PLEKHH1: variants seen among roughly 807,000 people sequenced by gnomAD.
The protein encoded by PLEKHH1 is pleckstrin homology, MyTH4 and FERM domain containing H1.
PLEKHH1 carries 104 observed loss-of-function variants against 160.0 expected under a neutral mutation model. The ratio of observed to expected loss-of-function variants is 0.65; its 90% CI spans 0.55 to 0.76. The LOEUF (loss-of-function observed/expected upper bound fraction) is 0.76, where lower values mean the gene tolerates loss of function less well. Among genes scored for constraint, PLEKHH1 ranks in the 30% least tolerant of loss-of-function variants. The pLI is 0.00. For synonymous variants in PLEKHH1, 619 were observed against 678.4 expected, an observed-to-expected ratio of 0.91 and a Z score of 1.36; for missense variants, 1,427 against 1,724.1, an observed-to-expected ratio of 0.83 and a Z score of 3.05.
chr14:67,582,680 A>G lies in PLEKHH1; in HGVS notation c.3426+470A>G, dbSNP rs2035961042. Among the ~76,000 whole-genome samples, 1 of 152,018 alleles carries G rather than the reference A, an allele frequency of 6.6e-6. No homozygotes were observed. Among genetic ancestry groups the G allele is most frequent in the East Asian group, 1.9e-4 (1 of 5,192 alleles). Reference sequence around the variant, plus strand: ...AAAAAATAAAATAAAATAAAATAAAAATAAAAATTAGCTGGGTGTGGTGGT... The same window carrying G: ...AAAAAATAAAATAAAATAAAATAAAGATAAAAATTAGCTGGGTGTGGTGGT... On this transcript the variant is annotated intron_variant, in intron 24 of 28. Transcript: ENST00000329153. The surrounding 1 kb of genome is among the most constrained non-coding windows in gnomAD (Gnocchi z 5.0).
Position 67,582,340 on chromosome 14 carries a change from G to A in PLEKHH1, c.3426+130G>A. The A allele has an allele frequency of 1.3e-6, 2 of 1,498,694 alleles. No individual in the cohort carries two copies. The highest frequency in any genetic ancestry group is 1.8e-6 in the Non-Finnish European group (2 of 1,104,050). The allele number at this position is 1,498,694 out of a possible 1,614,324, so 92.8% of individuals were successfully genotyped here. A position where few individuals can be genotyped will look rare whatever the true frequency, so the allele number is the denominator to read the frequency against. ...GGAGAGGGCAGCTTTGCCATCTCTG[G>A]GATGGAAAGCAGCTGACTTCTACAG... On this transcript the variant is annotated intron_variant, in intron 24 of 28. Transcript: ENST00000329153. This position sits in a 1 kb window ranked among gnomAD's most constrained non-coding sequence, Gnocchi z 5.0.
intron 2 of PLEKHH1, among the ~76,000 whole-genome samples, chr14:67,548,713 A>G (rs1294077269): frequency 2.0e-5 from 3 of 152,174 alleles, no homozygotes; most frequent in Non-Finnish European, 4.4e-5. Flanking sequence ...AAAAGAGAGA[A>G]GAAATAATGT....
chr14:67,584,440 T>A (rs1032908123), intron 26 of PLEKHH1, among the ~76,000 whole-genome samples: 1 of 152,226 alleles, frequency 6.6e-6, no homozygotes, highest in Non-Finnish European at 1.5e-5. Context: ...GAACAATGTA[T>A]AACCTAAACA....
rs752664560 is a variant in PLEKHH1 at position 67,572,274 on chromosome 14, C to T, written c.1725C>T (p.Gly575=). The change falls in exon 11 of 29, where the codon GGC becomes GGT. Residue 575 remains glycine, a synonymous_variant. Transcript: ENST00000329153. ...SSYSTDGLGL[G]GESLEKSGYL... ...ACTCCACCGACGGGCTGGGCCTGGG[C>T]GGGGTGAGCCGGGAAACGGGCGGGG... 14 of 1,582,624 alleles carry T rather than the reference C, an allele frequency of 8.8e-6. No individual in the cohort carries two copies. The highest frequency in any genetic ancestry group is 4.1e-5 in the African/African-American group (3 of 74,014).
At chr14:67,556,364 G>A (rs1364739418) in intron 3 of PLEKHH1, among the ~76,000 whole-genome samples, 1 of 152,214 alleles carries the variant, frequency 6.6e-6, no homozygotes, top group Non-Finnish European at 1.5e-5. Context: ...TCAAACTGCT[G>A]GGCTCAAGCT....
chr14:67,568,729 C>T (rs1346898694), intron 7 of PLEKHH1, among the ~76,000 whole-genome samples: 1 of 152,072 alleles, frequency 6.6e-6, no homozygotes, highest in Non-Finnish European at 1.5e-5. Flanking sequence ...TTACCAATAT[C>T]CCCAACTTCT....
rs111429286 is a variant in PLEKHH1 at position 67,537,346 on chromosome 14, A to AAATAATAATAATAATAAT, written c.-35+3966_-35+3983dup. On this transcript the variant is annotated intron_variant, in intron 1 of 28. Coordinates refer to ENST00000329153, the MANE Select transcript of PLEKHH1 (RefSeq NM_020715.3). The stretch of plus-strand genomic sequence containing the variant: ...GTGACAGAGCGAGACTCCATCTCAA[A>AAATAATAATAATAATAAT]AATAATAATAATAATAATAATAATA... Among the ~76,000 whole-genome samples, 202 of 126,602 alleles carry AAATAATAATAATAATAAT rather than the reference A, an allele frequency of 1.6e-3. 1 individual carries two copies. The highest frequency in any genetic ancestry group is 3.0e-3 in the African/African-American group (96 of 32,142). The allele number at this position is 126,602 out of a possible 152,430, so 83.1% of individuals were successfully genotyped here.
Position 67,576,575 on chromosome 14 carries a change from A to G in PLEKHH1, c.2461+72A>G. ...TGGTGACTATTGGTCAAGATCCCAA[A>G]GAAAGCAGTGTTGTACCCTGAAGCT... On this transcript the variant is annotated intron_variant, in intron 17 of 28. Transcript: ENST00000329153. The surrounding 1 kb of genome is among the most constrained non-coding windows in gnomAD (Gnocchi z 4.0). The G allele has an allele frequency of 1.3e-6, 1 of 790,858 alleles. No homozygotes were observed. Among genetic ancestry groups the G allele is most frequent in the South Asian group, 1.5e-5 (1 of 67,534 alleles). The allele number at this position is 790,858 out of a possible 1,614,324, so 49.0% of individuals were successfully genotyped here.
chr14:67,570,614 C>G (rs1439397477), intron 9 of PLEKHH1: 1 of 152,848 alleles, frequency 6.5e-6, no homozygotes, highest in African/African-American at 2.4e-5. Flanking sequence ...GCAGCACACT[C>G]TCACTGTCTC....
chr14:67,572,029 C>T (rs748985644), intron 10 of PLEKHH1, 106 bp from the exon 11 acceptor site: 32 of 1,478,652 alleles, frequency 2.2e-5, no homozygotes, highest in Non-Finnish European at 2.7e-5. Flanking sequence ...CCACCCCCAG[C>T]CCCAGAGACC....
In PLEKHH1 at chr14:67,575,374, T is replaced by G; in HGVS notation, c.2089-18T>G. 1 of 1,537,372 alleles carries G rather than the reference T, an allele frequency of 6.5e-7. No homozygotes were observed. Among genetic ancestry groups the G allele is most frequent in the Non-Finnish European group, 8.9e-7 (1 of 1,118,128 alleles). ...AGTTACCTAGTTCTCATAATGCCAGTTCATTTCTGTCTTACAGGTAAAGCA... is the reference window on the plus strand; with the variant it reads ...AGTTACCTAGTTCTCATAATGCCAGGTCATTTCTGTCTTACAGGTAAAGCA... On this transcript the variant is annotated intron_variant, in intron 14 of 28. Coordinates refer to ENST00000329153, the MANE Select transcript of PLEKHH1 (RefSeq NM_020715.3).
Position 67,579,736 on chromosome 14 carries a change from G to A in PLEKHH1, c.3043G>A (p.Gly1015Ser), listed in dbSNP as rs376769093. Residue 1015 changes from glycine to serine, a missense_variant, in exon 22 of 29, where the codon GGC becomes AGC. Gly to Ser is a moderately conservative substitution (Grantham distance 56). Around this residue, in one of 6 missense-constraint regions of PLEKHH1, gnomAD observed 436 missense variants for 607.5 expected, o/e 0.72. Coordinates refer to ENST00000329153, the MANE Select transcript of PLEKHH1 (RefSeq NM_020715.3). ...NGTYHVVGFD[G>S]SSTVDEFLQR... ...CCCGCCTCAGGTGGTTGGTTTTGAC[G>A]GCTCTTCCACGGTTGATGAGTTCCT... The A allele has an allele frequency of 8.1e-6, 13 of 1,612,606 alleles. No homozygotes were observed. Among genetic ancestry groups the A allele is most frequent in the South Asian group, 2.2e-5 (2 of 90,526 alleles).
At chr14:67,559,087 G>C (rs2034713935) in intron 4 of PLEKHH1, among the ~76,000 whole-genome samples, 1 of 152,200 alleles carries the variant, frequency 6.6e-6, no homozygotes, top group East Asian at 1.9e-4. Context: ...TTATAGGCAT[G>C]AGCCACCATG....
chr14:67,534,243 A>C (rs531024349), intron 1 of PLEKHH1, among the ~76,000 whole-genome samples: 1 of 152,024 alleles, frequency 6.6e-6, no homozygotes. Context: ...TCTGCATATT[A>C]TTGGCCCCAT....
rs1007070351 is a variant in PLEKHH1 at position 67,588,173 on chromosome 14, G to A, written c.*938G>A. The stretch of plus-strand genomic sequence containing the variant: ...TAGGCCAAACCCAGTACCACGCAAT[G>A]TGCAAGCAAGGGCAGGAGGTAGGTC... On this transcript the variant is annotated 3_prime_UTR_variant, in exon 29 of 29. Transcript: ENST00000329153. The A allele has an allele frequency of 1.1e-4, 17 of 152,678 alleles. No homozygotes were observed. The allele number at this position is 152,678 out of a possible 1,614,324, so 9.5% of individuals were successfully genotyped here.
chr14:67,549,508 T>C (rs2034311252), intron 2 of PLEKHH1, among the ~76,000 whole-genome samples: 1 of 152,160 alleles, frequency 6.6e-6, no homozygotes, highest in African/African-American at 2.4e-5. Flanking sequence ...AGACCTCAAG[T>C]GATCCGCCTG....
At chr14:67,548,921 A>C (rs778112671) in intron 2 of PLEKHH1, among the ~76,000 whole-genome samples, 1 of 152,216 alleles carries the variant, frequency 6.6e-6, no homozygotes, top group Non-Finnish European at 1.5e-5. Context: ...CTGAGTGGAT[A>C]AATGGTTCTG....
rs2034850981 is a variant in PLEKHH1 at position 67,561,884 on chromosome 14, A to G, written c.424-70A>G. On this transcript the variant is annotated intron_variant, in intron 5 of 28. Coordinates refer to ENST00000329153, the MANE Select transcript of PLEKHH1 (RefSeq NM_020715.3). ...GACCCTGTCTCAAAAAAAAAAAAAAAAAGAATTGAAAAAATACATCTAAAC... is the reference window on the plus strand; with the variant it reads ...GACCCTGTCTCAAAAAAAAAAAAAAGAAGAATTGAAAAAATACATCTAAAC... 8.3e-6 allele frequency: 10 copies of G among 1,205,096 alleles called. No homozygotes were observed. In the South Asian group the frequency reaches 9.6e-5, roughly 12 times the overall value. 74.7% of individuals were successfully genotyped at this position (1,205,096 alleles called of 1,614,324 possible). A position where few individuals can be genotyped will look rare whatever the true frequency, so the allele number is the denominator to read the frequency against.
chr14:67,537,902 G>A (rs2033804165), intron 1 of PLEKHH1, among the ~76,000 whole-genome samples: 1 of 152,110 alleles, frequency 6.6e-6, no homozygotes, highest in African/African-American at 2.4e-5. Flanking sequence ...GAGGATTCAG[G>A]GGATGCCAAA....
Sources: gnomAD v4.1 joint callset for allele counts (sites outside exome capture counted in the v4.1 genomes callset) on GRCh38, gnomAD v4.1.1 for gene constraint, gnomAD v4.1.1 regional missense constraint, Gnocchi (gnomAD v3.1) non-coding constraint, MANE v1.5 for transcripts, NCBI Gene and HGNC (gene_info 2026-07-23, HGNC 2026-07-21) for gene names.